The following CAST variants were observed in gnomAD, a reference collection of about 807,000 sequenced individuals.
The protein encoded by CAST is calpastatin, also known as MIR583 host.
A neutral mutation model predicts 119.6 loss-of-function variants in CAST; 76 were observed. The ratio of observed to expected loss-of-function variants is 0.64; its 90% CI spans 0.53 to 0.77. The LOEUF is 0.77. CAST is among the 30% of genes least tolerant of loss of function. CAST has a pLI of 0.00. For missense variants in CAST, 953 were observed against 946.5 expected (o/e 1.01, Z -0.09); for synonymous variants, 319 against 331.6 (o/e 0.96, Z 0.41).
the CAST span, among the ~76,000 whole-genome samples, chr5:96,054,504 A>G: frequency 6.6e-6 from 1 of 152,152 alleles, no homozygotes; most frequent in Non-Finnish European, 1.5e-5. Flanking sequence ...TCAGCTTTGC[A>G]AAAACCACGC....
the CAST span, among the ~76,000 whole-genome samples, chr5:96,337,183 A>G: frequency 2.4e-4 from 36 of 152,130 alleles, no homozygotes; most frequent in Non-Finnish European, 2.9e-5. Context: ...GTCTCTTCTG[A>G]CATGAGAGTG....
chr5:96,263,724 G>A, the CAST span, among the ~76,000 whole-genome samples: 209 of 152,200 alleles, frequency 1.4e-3, 2 homozygotes, highest in Admixed American at 0.013. Flanking sequence ...CTGAGACCAG[G>A]TAATTTATAA....
intron 1 of CAST, among the ~76,000 whole-genome samples, chr5:96,536,936 A>G (rs1433313904): frequency 6.6e-6 from 1 of 152,222 alleles, no homozygotes; most frequent in Admixed American, 6.5e-5. Context: ...CACTGATAAA[A>G]GTTATTAAGC....
chr5:96,617,525 C>A (rs1026405237), intron 1 of CAST, among the ~76,000 whole-genome samples: 4 of 151,996 alleles, frequency 2.6e-5, no homozygotes, highest in Admixed American at 6.6e-5. Flanking sequence ...CACGGTGGCT[C>A]ATGCCTGTAA....
chr5:96,381,721 G>A, the CAST span, among the ~76,000 whole-genome samples: 3 of 152,288 alleles, frequency 2.0e-5, no homozygotes, highest in Admixed American at 6.5e-5. Flanking sequence ...TGTTTGCTTT[G>A]CCTTGTCACA....
chr5:96,634,796 AC>A lies in CAST; in HGVS notation c.61-40742del, dbSNP rs1190041044. Among the ~76,000 whole-genome samples the A allele has an allele frequency of 4.6e-5, 7 of 152,346 alleles. No homozygotes were observed. The East Asian group carries it at 1.3e-3, about 29-fold the overall frequency. ...ATTTTTAAGCTCATGAAAACTCAAG[AC>A]TGAAAATAAGTTCTCAAAACTATTT... On this transcript the variant is annotated intron_variant, in intron 1 of 11. Coordinates refer to the CAST transcript ENST00000505143.
At chr5:96,671,689 T>TA (rs1462211536) in intron 1 of CAST, among the ~76,000 whole-genome samples, 1 of 152,204 alleles carries the variant, frequency 6.6e-6, no homozygotes, top group East Asian at 1.9e-4. Context: ...TTCTTTTCTG[T>TA]AATTAGTTTT....
At chr5:96,443,614 G>C in the CAST span, among the ~76,000 whole-genome samples, 1 of 152,162 alleles carries the variant, frequency 6.6e-6, no homozygotes, top group Non-Finnish European at 1.5e-5. Context: ...CTTTATCAGT[G>C]GTTATCGATT....
chr5:95,986,852 A>G, the CAST span, among the ~76,000 whole-genome samples: 1 of 152,196 alleles, frequency 6.6e-6, no homozygotes, highest in Admixed American at 6.5e-5. Flanking sequence ...GTAAGCATCT[A>G]TTATGTGCCA....
intron 3 of CAST, among the ~76,000 whole-genome samples, chr5:96,712,163 A>G (rs1756299297): frequency 6.6e-6 from 1 of 152,136 alleles, no homozygotes; most frequent in Non-Finnish European, 1.5e-5. Context: ...TTGTTATCTG[A>G]TGGGAAGGTG....
At chr5:96,004,899 C>T in the CAST span, among the ~76,000 whole-genome samples, 1 of 151,938 alleles carries the variant, frequency 6.6e-6, no homozygotes, top group African/African-American at 2.4e-5. Context: ...ATCTCAGCTC[C>T]CTAGGATTAA....
the CAST span, among the ~76,000 whole-genome samples, chr5:96,384,212 G>C: frequency 6.6e-6 from 1 of 152,130 alleles, no homozygotes; most frequent in Admixed American, 6.5e-5. Context: ...AGGAAATTGG[G>C]TAGAAAATTA....
chr5:96,675,721 G>T, intron 2 of CAST, 120 bp downstream of exon 2: 1 of 687,344 alleles, frequency 1.5e-6, no homozygotes, highest in Non-Finnish European at 2.4e-6. Flanking sequence ...GGGAAATTTT[G>T]ATTTAACCAA....
chr5:95,985,778 TA>T, the CAST span, among the ~76,000 whole-genome samples: 1 of 152,206 alleles, frequency 6.6e-6, no homozygotes, highest in Non-Finnish European at 1.5e-5. Flanking sequence ...GTGTTATTTT[TA>T]AACCTTGGGC....
At chr5:96,450,808 G>T in the CAST span, among the ~76,000 whole-genome samples, 41 of 152,276 alleles carry the variant, frequency 2.7e-4, no homozygotes, top group Non-Finnish European at 5.1e-4. Flanking sequence ...ATTTCACAAT[G>T]ATGAGCCTCA....
chr5:96,581,965 A>G (rs1345324306), intron 1 of CAST, among the ~76,000 whole-genome samples: 1 of 152,228 alleles, frequency 6.6e-6, no homozygotes, highest in East Asian at 1.9e-4. Context: ...ACTGTAGCAC[A>G]TGCAATAAAA....
At chr5:96,668,680 C>T (rs774492834) in intron 1 of CAST, among the ~76,000 whole-genome samples, 1 of 152,162 alleles carries the variant, frequency 6.6e-6, no homozygotes, top group African/African-American at 2.4e-5. Flanking sequence ...CCCAAGGTCA[C>T]GGTCATATAG....
At chr5:96,693,803 C>T (rs2150299810) in intron 2 of CAST, among the ~76,000 whole-genome samples, 1 of 152,340 alleles carries the variant, frequency 6.6e-6, no homozygotes, top group Middle Eastern at 3.4e-3. Context: ...TTTACCATCT[C>T]ACATATCACA....
chr5:96,149,789 G>A, the CAST span, among the ~76,000 whole-genome samples: 1 of 152,188 alleles, frequency 6.6e-6, no homozygotes, highest in African/African-American at 2.4e-5. Flanking sequence ...TCTTGTGTAA[G>A]CATTCGCTGT....
Sources: allele counts gnomAD v4.1 joint callset (sites outside exome capture counted in the v4.1 genomes callset), GRCh38; gene constraint gnomAD v4.1.1; transcripts MANE v1.5; gene names NCBI Gene and HGNC (gene_info 2026-07-23, HGNC 2026-07-21).